The following MFSD2A variants were observed in gnomAD, a reference collection of about 807,000 sequenced individuals.
MFSD2A encodes sodium-dependent lysophosphatidylcholine symporter 1.
A neutral mutation model predicts 64.7 loss-of-function variants in MFSD2A; 27 were observed. The observed-to-expected ratio is 0.42, with a 90% CI of 0.31 to 0.58. The LOEUF is 0.58. Ranked by LOEUF, MFSD2A falls within the 20% of genes least tolerant of loss-of-function variation. The pLI is 0.18. For missense variants in MFSD2A, 474 were observed against 679.5 expected (o/e 0.70, Z 3.36); for synonymous variants, 258 against 273.4 (o/e 0.94, Z 0.55).
At position 39,955,670 on chromosome 1, in the gene MFSD2A, C is replaced by T. The variant is rs1266826837; in HGVS notation, c.93+285C>T. The T allele has an allele frequency of 9.4e-6, 6 of 638,734 alleles. No individual in the cohort carries two copies. The highest frequency in any genetic ancestry group is 3.0e-5 in the South Asian group (2 of 66,104). 39.6% of individuals were successfully genotyped at this position (638,734 alleles called of 1,614,324 possible). On this transcript the variant is annotated intron_variant, in intron 1 of 13. Transcript: ENST00000372811. The surrounding 1 kb of genome is among the most constrained non-coding windows in gnomAD (Gnocchi z 5.9). ...TCTGCCTAGCCGGTTTCCATTCTTC[C>T]GTGTTGAGCGGCTGGGGCTTGCCGC...
At position 39,955,759 on chromosome 1, in the gene MFSD2A, C is replaced by G. The variant is rs1013491811; in HGVS notation, c.93+374C>G. The stretch of plus-strand genomic sequence containing the variant: ...CCCCTTGGTTCCCCATCTCTCATCC[C>G]CTACCTCCCACTCCACCCACCTACT... On this transcript the variant is annotated intron_variant, in intron 1 of 13. Transcript: ENST00000372811. The surrounding 1 kb of genome is among the most constrained non-coding windows in gnomAD (Gnocchi z 5.9). 2.1e-6 allele frequency: 1 copy of G among 467,352 alleles called. No individual in the cohort carries two copies. The highest frequency in any genetic ancestry group is 4.2e-6 in the Non-Finnish European group (1 of 240,930). 29.0% of individuals were successfully genotyped at this position (467,352 alleles called of 1,614,324 possible).
At position 39,967,166 on chromosome 1, in the gene MFSD2A, C is replaced by T; in HGVS notation, c.1008C>T (p.Ile336=). The change falls in exon 9 of 14, where the codon ATC becomes ATT. Residue 336 remains isoleucine (I), a synonymous_variant. Coordinates refer to ENST00000372811, the MANE Select transcript of MFSD2A (RefSeq NM_032793.5). ...RNEFQNLLLA[I]MLSATLTIPI... ...AATTCCAGAATCTACTCCTGGCCAT[C>T]ATGGTGAGTGGGACCTGAGCAGGGG... is the stretch of plus-strand genomic sequence containing the variant. 6.2e-7 allele frequency: 1 copy of T among 1,614,022 alleles called. No homozygotes were observed. The highest frequency in any genetic ancestry group is 1.1e-5 in the South Asian group (1 of 91,050).
rs992275702 is a variant in MFSD2A at position 39,967,003 on chromosome 1, G to C, written c.927+71G>C. Reference sequence around the variant, plus strand: ...GAGCGGGGTGAGCAGAGGTCTCTGGGGCTTGGGGGATGTCTTGGGGAGGCT... The same window carrying C: ...GAGCGGGGTGAGCAGAGGTCTCTGGCGCTTGGGGGATGTCTTGGGGAGGCT... On this transcript the variant is annotated intron_variant, in intron 8 of 13. Coordinates refer to ENST00000372811, the MANE Select transcript of MFSD2A (RefSeq NM_032793.5). 17 of 1,611,576 alleles carry C rather than the reference G, an allele frequency of 1.1e-5. No homozygotes were observed. The African/African-American group carries it at 2.3e-4, about 22-fold the overall frequency.
At position 39,968,283 on chromosome 1, in the gene MFSD2A, CAG is replaced by C. The variant is rs780376897; in HGVS notation, c.1209-48_1209-47del. On this transcript the variant is annotated intron_variant, in intron 11 of 13. Transcript: ENST00000372811. The surrounding 1 kb of genome is among the most constrained non-coding windows in gnomAD (Gnocchi z 4.4). The stretch of plus-strand genomic sequence containing the variant: ...AGAGGGCCACCTCTTCTCATTAACA[CAG>C]AGGCCCGTTAGGTGGGTCAGTCCTC... The C allele has an allele frequency of 2.6e-5, 42 of 1,612,404 alleles. No individual in the cohort carries two copies. The highest frequency in any genetic ancestry group is 8.8e-5 in the South Asian group (8 of 90,986).
intron 6 of MFSD2A, 54 bp downstream of exon 6, chr1:39,966,068 T>G: frequency 6.3e-7 from 1 of 1,595,056 alleles, no homozygotes; most frequent in African/African-American, 1.3e-5. Context: ...GTGAGGTGGT[T>G]TGTAGTCATC....
Position 39,955,700 on chromosome 1 carries a change from AACCCCAGAGATG to A in MFSD2A, c.93+324_93+335del, listed in dbSNP as rs2124752460. The stretch of plus-strand genomic sequence containing the variant: ...TGAGCGGCTGGGGCTTGCCGCCCCA[AACCCCAGAGATG>A]ACCCCAGAAATCTGGGAAACTCCCC... On this transcript the variant is annotated intron_variant, in intron 1 of 13. Transcript: ENST00000372811. The surrounding 1 kb of genome is among the most constrained non-coding windows in gnomAD (Gnocchi z 5.9). 1.7e-6 allele frequency: 1 copy of A among 589,476 alleles called. No homozygotes were observed. Among genetic ancestry groups the A allele is most frequent in the East Asian group, 3.7e-5 (1 of 26,840 alleles). The allele number at this position is 589,476 out of a possible 1,614,324, so 36.5% of individuals were successfully genotyped here.
rs1388498893 is a variant in MFSD2A, at chr1:39,958,652, AG to A, written c.229-47del. The A allele has an allele frequency of 1.2e-6, 2 of 1,614,100 alleles. No homozygotes were observed. The highest frequency in any genetic ancestry group is 8.5e-7 in the Non-Finnish European group (1 of 1,179,992). On this transcript the variant is annotated intron_variant, in intron 2 of 13. Coordinates refer to ENST00000372811, the MANE Select transcript of MFSD2A (RefSeq NM_032793.5). The surrounding 1 kb of genome is among the most constrained non-coding windows in gnomAD (Gnocchi z 4.7). ...TGCTTCTGCCTACCAGTGAGAGTTG[AG>A]GCGAGTAGAAGGATGAGGAAGTTGT...
rs1645017672 is a variant in MFSD2A, at chr1:39,960,573, C to T, written c.353+1748C>T. Among the ~76,000 whole-genome samples the T allele has an allele frequency of 6.6e-6, 1 of 152,230 alleles. No homozygotes were observed. The highest frequency in any genetic ancestry group is 2.4e-5 in the African/African-American group (1 of 41,466). On this transcript the variant is annotated intron_variant, in intron 3 of 13. Transcript: ENST00000372811. This position sits in a 1 kb window ranked among gnomAD's most constrained non-coding sequence, Gnocchi z 4.8. Reference sequence around the variant, plus strand: ...AGAAGGGGAGGCTCTGCTGCCACGTCGCCTCATGAGGCCCAGCCAATGGGA... The same window carrying T: ...AGAAGGGGAGGCTCTGCTGCCACGTTGCCTCATGAGGCCCAGCCAATGGGA...
At position 39,955,258 on chromosome 1, in the gene MFSD2A, G is replaced by T. The variant is rs369589657; in HGVS notation, c.-35G>T. The T allele has an allele frequency of 8.0e-6, 11 of 1,379,274 alleles. No homozygotes were observed. In the African/African-American group the frequency reaches 1.2e-4, roughly 15 times the overall value. 85.4% of individuals were successfully genotyped at this position (1,379,274 alleles called of 1,614,324 possible). Reference sequence around the variant, plus strand: ...GGCCTGCGGGGCAGAGGAGCATCCCGTCTACCAGGTCCCAAGCGGCGTGGC... The same window carrying T: ...GGCCTGCGGGGCAGAGGAGCATCCCTTCTACCAGGTCCCAAGCGGCGTGGC... On this transcript the variant is annotated 5_prime_UTR_variant, in exon 1 of 14. Coordinates refer to ENST00000372811, the MANE Select transcript of MFSD2A (RefSeq NM_032793.5). This position sits in a 1 kb window ranked among gnomAD's most constrained non-coding sequence, Gnocchi z 5.9.
rs2124769464 is a variant in MFSD2A, at chr1:39,963,037, C to T, written c.354-2174C>T. 3.4e-6 allele frequency: 5 copies of T among 1,456,944 alleles called. No individual in the cohort carries two copies. The highest frequency in any genetic ancestry group is 1.4e-5 in the African/African-American group (1 of 71,920). 90.3% of individuals were successfully genotyped at this position (1,456,944 alleles called of 1,614,324 possible). ...ATCCTGGCCAAGCTCTCCATTGTCC[C>T]CGTGCGCAGAGGCTACTGGGGGAAC... On this transcript the variant is annotated intron_variant, in intron 3 of 13. Coordinates refer to ENST00000372811, the MANE Select transcript of MFSD2A (RefSeq NM_032793.5). The surrounding 1 kb of genome is among the most constrained non-coding windows in gnomAD (Gnocchi z 4.2).
Position 39,965,265 on chromosome 1 carries a change from G to C in MFSD2A, c.408G>C (p.Val136=). 1 of 1,614,068 alleles carries C rather than the reference G, an allele frequency of 6.2e-7. No homozygotes were observed. Among genetic ancestry groups the C allele is most frequent in the East Asian group, 2.2e-5 (1 of 44,864 alleles). Residue 136 remains valine (V), a synonymous_variant, in exon 4 of 14, where the codon GTG becomes GTC. Coordinates refer to ENST00000372811, the MANE Select transcript of MFSD2A (RefSeq NM_032793.5). The surrounding 1 kb of genome is among the most constrained non-coding windows in gnomAD (Gnocchi z 5.5). Reference sequence around the variant, plus strand: ...TTGCCTACTTCCTCATCTGGTTCGTGCCCGACTTCCCACACGGCCAGACCT... The same window carrying C: ...TTGCCTACTTCCTCATCTGGTTCGTCCCCGACTTCCCACACGGCCAGACCT... ...AVIAYFLIWF[V]PDFPHGQTYW...
intron 6 of MFSD2A, 137 bp downstream of exon 6, chr1:39,966,151 A>C: frequency 2.0e-6 from 2 of 1,002,572 alleles, no homozygotes; most frequent in Non-Finnish European, 2.9e-6. Context: ...TAATGCACCC[A>C]ATATACCTAC....
At position 39,965,516 on chromosome 1, in the gene MFSD2A, G is replaced by A. The variant is rs1403232214; in HGVS notation, c.523G>A (p.Glu175Lys). The A allele has an allele frequency of 8.1e-6, 13 of 1,613,830 alleles. No individual in the cohort carries two copies. The highest frequency in any genetic ancestry group is 3.3e-5 in the South Asian group (3 of 91,072). The change falls in exon 5 of 14, where the codon GAG (glutamate) becomes AAG (lysine). Residue 175 changes from glutamate (E) to lysine (K), a missense_variant. Physicochemically the swap from Glu to Lys is moderately conservative, Grantham distance 56. Coordinates refer to ENST00000372811, the MANE Select transcript of MFSD2A (RefSeq NM_032793.5). This position sits in a 1 kb window ranked among gnomAD's most constrained non-coding sequence, Gnocchi z 5.5. The stretch of plus-strand genomic sequence containing the variant: ...GGCTCTCACCATGTTCATCAGCACC[G>A]AGCAGACTGAGCGGGATTCTGCCAC... ...YSALTMFIST[E>K]QTERDSATAY...
chr1:39,962,634 G>C (rs11579076), intron 3 of MFSD2A: 2 of 844,386 alleles, frequency 2.4e-6, no homozygotes, highest in Non-Finnish European at 3.9e-6. Flanking sequence ...CGGAGGTTTC[G>C]GCAGTGGCAT....
In MFSD2A at chr1:39,965,624, T is replaced by C; in HGVS notation, c.556+75T>C. The C allele has an allele frequency of 6.8e-7, 1 of 1,471,872 alleles. No individual in the cohort carries two copies. The highest frequency in any genetic ancestry group is 9.5e-7 in the Non-Finnish European group (1 of 1,052,496). 91.2% of individuals were successfully genotyped at this position (1,471,872 alleles called of 1,614,324 possible). A position where few individuals can be genotyped will look rare whatever the true frequency, so the allele number is the denominator to read the frequency against. ...ATACTTCTTCCCTTGCGGGTCCAGC[T>C]CTTTGCTCTGCTCTAGAGTGTGGGT... On this transcript the variant is annotated intron_variant, in intron 5 of 13. Transcript: ENST00000372811. The surrounding 1 kb of genome is among the most constrained non-coding windows in gnomAD (Gnocchi z 5.5).
chr1:39,964,950 C>T lies in MFSD2A; in HGVS notation c.354-261C>T. On this transcript the variant is annotated intron_variant, in intron 3 of 13. Transcript: ENST00000372811. The surrounding 1 kb of genome is among the most constrained non-coding windows in gnomAD (Gnocchi z 4.1). ...CTCTCAGCCCATTAGAGGCTGCTGCCTCTGGACTAGACTCAGGCTCTGACC... is the reference window on the plus strand; with the variant it reads ...CTCTCAGCCCATTAGAGGCTGCTGCTTCTGGACTAGACTCAGGCTCTGACC... The T allele has an allele frequency of 1.9e-6, 1 of 529,488 alleles. No individual in the cohort carries two copies. The highest frequency in any genetic ancestry group is 3.4e-6 in the Non-Finnish European group (1 of 293,762). 32.8% of individuals were successfully genotyped at this position (529,488 alleles called of 1,614,324 possible). A position where few individuals can be genotyped will look rare whatever the true frequency, so the allele number is the denominator to read the frequency against.
Position 39,958,620 on chromosome 1 carries a change from G to C in MFSD2A, c.229-81G>C. On this transcript the variant is annotated intron_variant, in intron 2 of 13. Transcript: ENST00000372811. This position sits in a 1 kb window ranked among gnomAD's most constrained non-coding sequence, Gnocchi z 4.7. ...CAAGATCCTGGCTGAGATAGGGAGG[G>C]AGCCTCTGCTTCTGCCTACCAGTGA... 6.2e-7 allele frequency: 1 copy of C among 1,612,488 alleles called. No individual in the cohort carries two copies. The highest frequency in any genetic ancestry group is 8.5e-7 in the Non-Finnish European group (1 of 1,178,664).
Position 39,955,222 on chromosome 1 carries a change from G to T in MFSD2A, c.-71G>T. ...CTAAGGCTGCTACGAAGCGAGCTTG[G>T]GAGGAGCAGCGGCCTGCGGGGCAGA... is the stretch of plus-strand genomic sequence containing the variant. On this transcript the variant is annotated 5_prime_UTR_variant, in exon 1 of 14. Transcript: ENST00000372811. This position sits in a 1 kb window ranked among gnomAD's most constrained non-coding sequence, Gnocchi z 5.9. 7.9e-7 allele frequency: 1 copy of T among 1,264,822 alleles called. No homozygotes were observed. The highest frequency in any genetic ancestry group is 1.0e-6 in the Non-Finnish European group (1 of 982,756). 78.3% of individuals were successfully genotyped at this position (1,264,822 alleles called of 1,614,324 possible). A position where few individuals can be genotyped will look rare whatever the true frequency, so the allele number is the denominator to read the frequency against.
chr1:39,969,224 C>G (rs1051908890), intron 13 of MFSD2A, among the ~76,000 whole-genome samples: 5 of 152,216 alleles, frequency 3.3e-5, no homozygotes, highest in Non-Finnish European at 7.3e-5. Flanking sequence ...TGTGGCCTGA[C>G]CCTGCATCTG....
Sources: gnomAD v4.1 joint callset for allele counts (sites outside exome capture counted in the v4.1 genomes callset) on GRCh38, gnomAD v4.1.1 for gene constraint, Gnocchi (gnomAD v3.1) non-coding constraint, MANE v1.5 for transcripts, NCBI Gene and HGNC (gene_info 2026-07-23, HGNC 2026-07-21) for gene names.